Variants in EBF1 observed in about 807,000 individuals in gnomAD.
The protein encoded by EBF1 is transcription factor COE1.
In EBF1, 10 loss-of-function variants were observed where a neutral mutation model predicts 68.4. The ratio of observed to expected loss-of-function variants is 0.15; its 90% CI spans 0.09 to 0.25. The LOEUF is 0.25. EBF1 is among the 10% of genes least tolerant of loss of function. The pLI, the probability that EBF1 is intolerant of heterozygous loss-of-function variation, is 1.00. For missense variants in EBF1, 509 were observed against 794.4 expected, an observed-to-expected ratio of 0.64 and a Z score of 4.32; for synonymous variants, 298 against 299.8, an observed-to-expected ratio of 0.99 and a Z score of 0.06.
intron 6 of EBF1, among the ~76,000 whole-genome samples, chr5:159,056,769 T>G (rs1014024145): frequency 2.6e-5 from 4 of 152,226 alleles, no homozygotes; most frequent in Non-Finnish European, 5.9e-5. Flanking sequence ...TTATTAAGAC[T>G]TACTTTGAAA....
intron 6 of EBF1, among the ~76,000 whole-genome samples, chr5:158,845,949 C>T (rs75864624): frequency 0.012 from 1,850 of 152,240 alleles, 18 homozygotes; most frequent in South Asian, 0.041. Flanking sequence ...TTTTTACCTC[C>T]CCCAACCCAA....
chr5:159,007,020 G>C (rs141059354), intron 6 of EBF1, among the ~76,000 whole-genome samples: 137 of 152,250 alleles, frequency 9.0e-4, no homozygotes, highest in East Asian at 1.3e-3. Flanking sequence ...ACCGTTGGTG[G>C]GGGCTTTGTT....
chr5:159,044,259 A>G (rs1347592851), intron 6 of EBF1, among the ~76,000 whole-genome samples: 1 of 152,180 alleles, frequency 6.6e-6, no homozygotes, highest in Non-Finnish European at 1.5e-5. Context: ...TTAGCAGAGG[A>G]TATTGGGCCC....
chr5:158,860,282 C>T (rs1794744826), intron 6 of EBF1, among the ~76,000 whole-genome samples: 2 of 152,230 alleles, frequency 1.3e-5, no homozygotes, highest in African/African-American at 4.8e-5. Flanking sequence ...AATAGTCCAT[C>T]TGCCTGAGAT....
At chr5:158,711,182 C>A (rs1759182910) in intron 14 of EBF1, among the ~76,000 whole-genome samples, 4 of 151,558 alleles carry the variant, frequency 2.6e-5, no homozygotes, top group Admixed American at 2.6e-4. Context: ...AAATATACAC[C>A]AAACACAAAC....
chr5:158,781,531 A>T (rs139890950), intron 9 of EBF1, among the ~76,000 whole-genome samples: 88 of 152,274 alleles, frequency 5.8e-4, no homozygotes, highest in Non-Finnish European at 1.1e-3. Context: ...TCTTCTTGCC[A>T]TCTCAATCTC....
intron 6 of EBF1, among the ~76,000 whole-genome samples, chr5:158,966,546 T>C (rs575406654): frequency 3.9e-5 from 6 of 152,140 alleles, no homozygotes; most frequent in Non-Finnish European, 8.8e-5. Context: ...ATCAATAAAC[T>C]GGAATTGGCG....
chr5:158,771,224 A>C (rs955052619), intron 10 of EBF1, among the ~76,000 whole-genome samples: 1 of 152,060 alleles, frequency 6.6e-6, no homozygotes, highest in African/African-American at 2.4e-5. Context: ...TGCTTTTCTC[A>C]CTTACTTTTG....
chr5:158,782,954 T>A (rs1776708330), intron 9 of EBF1, among the ~76,000 whole-genome samples: 1 of 151,936 alleles, frequency 6.6e-6, no homozygotes, highest in Admixed American at 6.6e-5. Context: ...TGCTTGTATA[T>A]CATGTAAGTG....
At chr5:158,981,674 C>T (rs956305471) in intron 6 of EBF1, among the ~76,000 whole-genome samples, 3 of 151,742 alleles carry the variant, frequency 2.0e-5, no homozygotes, top group Non-Finnish European at 4.4e-5. Flanking sequence ...ATTCAAGTAC[C>T]CTGAGTTCTG....
chr5:159,001,744 G>C (rs894661404), intron 6 of EBF1, among the ~76,000 whole-genome samples: 4 of 152,146 alleles, frequency 2.6e-5, no homozygotes, highest in African/African-American at 9.7e-5. Context: ...GGGGCTATAG[G>C]ACCACATAGC....
intron 6 of EBF1, chr5:158,982,871 G>A (rs1253267895): frequency 6.6e-6 from 1 of 152,082 alleles, no homozygotes; most frequent in Non-Finnish European, 1.5e-5. Context: ...ATTATCTTGG[G>A]AGGAAATCCA....
chr5:159,032,342 G>A (rs1328273643), intron 6 of EBF1, among the ~76,000 whole-genome samples: 1 of 152,022 alleles, frequency 6.6e-6, no homozygotes, highest in Non-Finnish European at 1.5e-5. Flanking sequence ...TCAAACCCAG[G>A]GCCATCTGAT....
intron 6 of EBF1, among the ~76,000 whole-genome samples, chr5:159,052,930 T>C (rs2127827222): frequency 6.6e-6 from 1 of 152,346 alleles, no homozygotes; most frequent in Admixed American, 6.5e-5. Flanking sequence ...TGCAGGGCCA[T>C]GTGGCCTTTC....
At chr5:158,919,218 T>C (rs1013235623) in intron 6 of EBF1, among the ~76,000 whole-genome samples, 6 of 151,652 alleles carry the variant, frequency 4.0e-5, no homozygotes, top group African/African-American at 1.5e-4. Flanking sequence ...TTTATGAGGG[T>C]CTTAGGATGA....
chr5:158,722,062 G>T (rs1762043621), intron 11 of EBF1, among the ~76,000 whole-genome samples: 1 of 152,128 alleles, frequency 6.6e-6, no homozygotes, highest in Admixed American at 6.5e-5. Context: ...GCTGAACTTG[G>T]TAACCTCTGG....
intron 11 of EBF1, among the ~76,000 whole-genome samples, chr5:158,721,407 T>C (rs2127517757): frequency 6.6e-6 from 1 of 152,246 alleles, no homozygotes; most frequent in South Asian, 2.1e-4. Context: ...TTCAAGCAAC[T>C]GTTATTGCCA....
At chr5:158,981,143 C>A (rs1209855160) in intron 6 of EBF1, among the ~76,000 whole-genome samples, 1 of 151,744 alleles carries the variant, frequency 6.6e-6, no homozygotes, top group East Asian at 1.9e-4. Flanking sequence ...GGGTAGCTAA[C>A]CATTTCCAAA....
At chr5:158,870,501 T>A (rs1370005797) in intron 6 of EBF1, among the ~76,000 whole-genome samples, 1 of 151,778 alleles carries the variant, frequency 6.6e-6, no homozygotes, top group Non-Finnish European at 1.5e-5. Context: ...CTGGGCAACA[T>A]GGCAAAACCC....
Sources: gnomAD v4.1 joint callset for allele counts (sites outside exome capture counted in the v4.1 genomes callset) on GRCh38, gnomAD v4.1.1 for gene constraint, MANE v1.5 for transcripts, NCBI Gene and HGNC (gene_info 2026-07-23, HGNC 2026-07-21) for gene names.